Variants in RBFOX1 observed in about 807,000 individuals in gnomAD.
RBFOX1 encodes the protein RNA binding fox-1 homolog 1.
RBFOX1 carries 8 observed loss-of-function variants against 57.7 expected under a neutral mutation model. That is an observed-to-expected ratio of 0.14 (90% CI 0.08 to 0.25). The LOEUF (loss-of-function observed/expected upper bound fraction) is 0.25. Ranked by LOEUF, RBFOX1 falls within the 10% of genes least tolerant of loss-of-function variation. The pLI is 1.00. For synonymous variants in RBFOX1, 326 were observed against 222.4 expected (o/e 1.47, Z -4.15); for missense variants, 611 against 548.5 (o/e 1.11, Z -1.14).
chr16:7,046,515 AT>A (rs2048000177), intron 3 of RBFOX1, among the ~76,000 whole-genome samples: 2 of 149,342 alleles, frequency 1.3e-5, no homozygotes, highest in Non-Finnish European at 1.5e-5. Context: ...TGTAATTTTT[AT>A]TTTTTAATTG....
At chr16:5,999,662 C>G (rs185724912) in intron 4 of RBFOX1, among the ~76,000 whole-genome samples, 8 of 151,766 alleles carry the variant, frequency 5.3e-5, no homozygotes, top group Non-Finnish European at 1.0e-4. Context: ...GAGATCGAGA[C>G]CATTCTGGCT....
chr16:6,681,772 T>G (rs1055171336), intron 3 of RBFOX1, among the ~76,000 whole-genome samples: 1 of 152,182 alleles, frequency 6.6e-6, no homozygotes, highest in Admixed American at 6.5e-5. Flanking sequence ...TCTCTGTAAT[T>G]CAGTTCTCAC....
intron 2 of RBFOX1, among the ~76,000 whole-genome samples, chr16:6,481,907 CTT>C (rs1196090753): frequency 1.3e-5 from 2 of 152,014 alleles, no homozygotes; most frequent in Non-Finnish European, 2.9e-5. Flanking sequence ...TAAAAACACT[CTT>C]AATGCACAGA....
intron 3 of RBFOX1, among the ~76,000 whole-genome samples, chr16:6,842,073 G>A (rs1318220544): frequency 6.6e-6 from 1 of 151,858 alleles, no homozygotes; most frequent in African/African-American, 2.4e-5. Flanking sequence ...AACCCGGGAG[G>A]CGGAACTTGC....
At chr16:6,040,343 A>G (rs979098318) in intron 1 of RBFOX1, among the ~76,000 whole-genome samples, 3 of 152,190 alleles carry the variant, frequency 2.0e-5, no homozygotes, top group Non-Finnish European at 4.4e-5. Flanking sequence ...CTCTGTACCC[A>G]TTAAAAAGTA....
intron 6 of RBFOX1, among the ~76,000 whole-genome samples, chr16:7,582,812 G>T (rs1215919619): frequency 6.6e-6 from 1 of 152,118 alleles, no homozygotes. Context: ...AGATCTTTGT[G>T]CTTTTCCCCC....
At chr16:6,715,061 T>C (rs1246639167) in intron 3 of RBFOX1, among the ~76,000 whole-genome samples, 1 of 152,156 alleles carries the variant, frequency 6.6e-6, no homozygotes, top group South Asian at 2.1e-4. Flanking sequence ...GGATTAGTTT[T>C]GTTCCTTCTC....
rs183368074 is a variant in RBFOX1, at chr16:6,595,887, G to A, written c.-63-58716G>A. ...ACAAACCCTATTAAAAAAATACTTC[G>A]CCAACTTTTAAAATAGGGCTATTTG... On this transcript the variant is annotated intron_variant, in intron 2 of 15. Transcript: ENST00000550418. 2.5e-3 allele frequency among the ~76,000 whole-genome samples: 387 copies of A among 151,936 alleles called. 5 individuals are homozygous for A. The highest frequency in any genetic ancestry group is 8.7e-3 in the African/African-American group (360 of 41,412).
In RBFOX1 at chr16:6,929,701, G is replaced by A. The variant is rs929768673; in HGVS notation, c.-15-122356G>A. On this transcript the variant is annotated intron_variant, in intron 3 of 15. Coordinates refer to ENST00000550418, the MANE Select transcript of RBFOX1 (RefSeq NM_018723.4). ...AGTGTGTTAGAGAATGTGTTACTAC[G>A]GGGTTATTTTTTTTAACACATTTAT... 1.9e-4 allele frequency among the ~76,000 whole-genome samples: 28 copies of A among 146,328 alleles called. 1 individual carries two copies. The highest frequency in any genetic ancestry group is 2.7e-4 in the Admixed American group (4 of 14,736).
chr16:6,446,736 T>A (rs760706413), intron 2 of RBFOX1, among the ~76,000 whole-genome samples: 7 of 152,208 alleles, frequency 4.6e-5, no homozygotes, highest in African/African-American at 1.7e-4. Context: ...TTACTATAAA[T>A]GTTATTCTAA....
intron 4 of RBFOX1, among the ~76,000 whole-genome samples, chr16:7,317,291 C>G (rs1037393379): frequency 6.6e-6 from 1 of 152,148 alleles, no homozygotes; most frequent in African/African-American, 2.4e-5. Flanking sequence ...AGTCAGACTT[C>G]GGCAGGCTTT....
At chr16:7,352,613 A>G (rs766044282) in intron 4 of RBFOX1, among the ~76,000 whole-genome samples, 3 of 152,126 alleles carry the variant, frequency 2.0e-5, no homozygotes, top group East Asian at 1.9e-4. Context: ...CAAGCTCGCT[A>G]TATTTCCCAT....
chr16:6,513,418 C>A (rs1055818389), intron 2 of RBFOX1, among the ~76,000 whole-genome samples: 1 of 152,118 alleles, frequency 6.6e-6, no homozygotes, highest in African/African-American at 2.4e-5. Flanking sequence ...GCACATTGGA[C>A]TCATGACTCT....
At chr16:6,733,153 G>C (rs1397174303) in intron 3 of RBFOX1, among the ~76,000 whole-genome samples, 3 of 152,140 alleles carry the variant, frequency 2.0e-5, no homozygotes, top group African/African-American at 7.2e-5. Flanking sequence ...TGAATAATGA[G>C]AACAGCCAAC....
At chr16:6,424,822 A>T (rs548333090) in intron 2 of RBFOX1, among the ~76,000 whole-genome samples, 1 of 152,178 alleles carries the variant, frequency 6.6e-6, no homozygotes, top group African/African-American at 2.4e-5. Flanking sequence ...TTAAGGTTCA[A>T]TGGGATGGAA....
intron 5 of RBFOX1, among the ~76,000 whole-genome samples, chr16:7,569,899 G>C (rs2092595711): frequency 6.6e-6 from 1 of 152,094 alleles, no homozygotes; most frequent in South Asian, 2.1e-4. Flanking sequence ...TAGTGAACTT[G>C]ATTTAACTTC....
intron 1 of RBFOX1, among the ~76,000 whole-genome samples, chr16:5,321,190 C>T (rs2064393180): frequency 1.3e-5 from 2 of 152,180 alleles, no homozygotes; most frequent in South Asian, 4.1e-4. Flanking sequence ...GGCCTCTCCC[C>T]ACTAGATGCC....
chr16:7,366,539 C>T (rs1387468605), intron 4 of RBFOX1, among the ~76,000 whole-genome samples: 1 of 152,192 alleles, frequency 6.6e-6, no homozygotes, highest in Non-Finnish European at 1.5e-5. Context: ...TCCTTCCTCC[C>T]TGGTCCAACC....
chr16:6,351,368 A>ATTTTT (rs1358836868), intron 2 of RBFOX1, among the ~76,000 whole-genome samples: 16 of 103,832 alleles, frequency 1.5e-4, no homozygotes, highest in Middle Eastern at 5.4e-3. Context: ...ATATATATAT[A>ATTTTT]TATATTTTTT....
Sources: allele counts gnomAD v4.1 joint callset (sites outside exome capture counted in the v4.1 genomes callset), GRCh38; gene constraint gnomAD v4.1.1; transcripts MANE v1.5; gene names NCBI Gene and HGNC (gene_info 2026-07-23, HGNC 2026-07-21).